The following PARL variants were observed in gnomAD, a reference collection of about 807,000 sequenced individuals.
The protein encoded by PARL is presenilin-associated rhomboid-like protein, mitochondrial.
In PARL, 44 loss-of-function variants were observed where a neutral mutation model predicts 51.6. The observed-to-expected ratio is 0.85, with a 90% CI of 0.67 to 1.10. The LOEUF is 1.10. Ranked by LOEUF, PARL falls within the 50% of genes least tolerant of loss-of-function variation. The pLI, the probability that PARL is intolerant of heterozygous loss-of-function variation, is 0.00. For missense variants in PARL, 441 were observed against 469.5 expected (o/e 0.94, Z 0.56); for synonymous variants, 172 against 164.0 (o/e 1.05, Z -0.37).
chr3:183,864,936 G>T (rs1432328186), intron 3 of PARL, among the ~76,000 whole-genome samples: 13 of 130,954 alleles, frequency 9.9e-5, no homozygotes, highest in African/African-American at 3.9e-4. Context: ...ATTTCATCTC[G>T]AGCACAGTTT....
chr3:183,881,946 T>C (rs1403807824), intron 1 of PARL, among the ~76,000 whole-genome samples: 1 of 151,922 alleles, frequency 6.6e-6, no homozygotes, highest in Non-Finnish European at 1.5e-5. Context: ...CTCAAGCCTG[T>C]AATCCCAACA....
At chr3:183,860,932 C>T (rs1402553262) in intron 4 of PARL, among the ~76,000 whole-genome samples, 1 of 151,624 alleles carries the variant, frequency 6.6e-6, no homozygotes, top group Non-Finnish European at 1.5e-5. Flanking sequence ...TCTGCTTCAG[C>T]CTCCCTAGTA....
At chr3:183,871,551 G>A (rs576798956) in intron 1 of PARL, among the ~76,000 whole-genome samples, 5 of 146,140 alleles carry the variant, frequency 3.4e-5, no homozygotes, top group Non-Finnish European at 6.0e-5. Context: ...GGGGAGGGGT[G>A]GGGAAGAACT....
At chr3:183,843,282 T>C in intron 5 of PARL, 2 of 985,406 alleles carry the variant, frequency 2.0e-6, no homozygotes, top group Non-Finnish European at 2.4e-6. Flanking sequence ...TGAAAGCAAC[T>C]TGTCCTTATG....
chr3:183,855,038 A>G (rs1212623456), intron 4 of PARL, among the ~76,000 whole-genome samples: 3 of 152,220 alleles, frequency 2.0e-5, no homozygotes, highest in Non-Finnish European at 2.9e-5. Flanking sequence ...AAGTGAAAGA[A>G]ACAGACACAA....
intron 4 of PARL, among the ~76,000 whole-genome samples, chr3:183,850,302 G>A (rs1453973639): frequency 6.6e-6 from 1 of 152,126 alleles, no homozygotes; most frequent in Non-Finnish European, 1.5e-5. Flanking sequence ...GGTGGCTCTC[G>A]ACAATTCTTG....
At chr3:183,826,819 G>A (rs35586421), downstream of PARL, 169,279 of 980,786 alleles carry the variant, frequency 0.17, 15,015 homozygotes, top group East Asian at 0.45. Flanking sequence ...CTGGCAGATG[G>A]CGCTTGGGAC....
rs770775624 is a variant in PARL at position 183,884,779 on chromosome 3, C to T, written c.68G>A (p.Gly23Asp). Residue 23 changes from glycine (G) to aspartate (D), a missense_variant, in exon 1 of 10, where the codon GGC (glycine) becomes GAC (aspartate). Gly to Asp is a moderately conservative substitution (Grantham distance 94). Transcript: ENST00000317096. ...CGQAWGASVG[G>D]RSCEELTAVL... The stretch of plus-strand genomic sequence containing the variant: ...CGCAGTGAGCTCCTCGCAGCTGCGG[C>T]CGCCCACCGACGCACCCCACGCCTG... 1 of 1,586,918 alleles carries T rather than the reference C, an allele frequency of 6.3e-7. No individual in the cohort carries two copies. Among genetic ancestry groups the T allele is most frequent in the Non-Finnish European group, 8.5e-7 (1 of 1,172,764 alleles).
intron 1 of PARL, chr3:183,879,759 C>G: frequency 1.1e-6 from 1 of 927,048 alleles, no homozygotes; most frequent in Non-Finnish European, 1.3e-6. Context: ...CTCTGTCACC[C>G]AGGCTGGAGT....
intron 4 of PARL, among the ~76,000 whole-genome samples, chr3:183,852,499 G>C (rs1004297464): frequency 1.3e-5 from 2 of 152,084 alleles, no homozygotes; most frequent in African/African-American, 4.8e-5. Flanking sequence ...GAGGGGAGGG[G>C]GTAATAGGGA....
intron 2 of PARL, 79 bp from the exon 3 acceptor site, chr3:183,866,844 A>G: frequency 3.8e-6 from 4 of 1,057,546 alleles, no homozygotes; most frequent in Middle Eastern, 2.1e-4. Flanking sequence ...AGAATTCTTC[A>G]CTGTCATTGC....
chr3:183,882,026 C>A (rs1161573232), intron 1 of PARL, among the ~76,000 whole-genome samples: 1 of 151,036 alleles, frequency 6.6e-6, no homozygotes, highest in Non-Finnish European at 1.5e-5. Context: ...CACAGCAAAA[C>A]CCCGTCTCTA....
chr3:183,846,491 C>CAAA, intron 4 of PARL: 11 of 771,548 alleles, frequency 1.4e-5, no homozygotes, highest in East Asian at 1.6e-4. Flanking sequence ...GAAACTGTCT[C>CAAA]AAAAAAAAAA....
chr3:183,853,029 T>C (rs889534559), intron 4 of PARL, among the ~76,000 whole-genome samples: 1 of 152,112 alleles, frequency 6.6e-6, no homozygotes, highest in African/African-American at 2.4e-5. Flanking sequence ...ATAAAACTCC[T>C]AGAAGAAAAC....
At chr3:183,846,423 G>A in intron 4 of PARL, 2 of 552,010 alleles carry the variant, frequency 3.6e-6, no homozygotes, top group Non-Finnish European at 4.6e-6. Flanking sequence ...AACCCAGGAG[G>A]CGGAGGTTGA....
At chr3:183,862,429 A>G (rs541603245) in intron 4 of PARL, among the ~76,000 whole-genome samples, 1 of 150,490 alleles carries the variant, frequency 6.6e-6, no homozygotes, top group Non-Finnish European at 1.5e-5. Context: ...CAGCATCCTG[A>G]ATATAGAAGG....
chr3:183,851,012 T>C (rs1730484109), intron 4 of PARL, among the ~76,000 whole-genome samples: 1 of 152,234 alleles, frequency 6.6e-6, no homozygotes, highest in African/African-American at 2.4e-5. Context: ...TACGGTCACC[T>C]GATTTTTGAC....
chr3:183,853,980 T>TGTA (rs1311623545), intron 4 of PARL, among the ~76,000 whole-genome samples: 1 of 152,184 alleles, frequency 6.6e-6, no homozygotes, highest in African/African-American at 2.4e-5. Context: ...GGCTCATGCC[T>TGTA]GTAATCCCAG....
chr3:183,882,452 T>G (rs1202202812), intron 1 of PARL, among the ~76,000 whole-genome samples: 3 of 150,798 alleles, frequency 2.0e-5, no homozygotes. Flanking sequence ...GAGACTATCA[T>G]CTCAATATAA....
Sources: allele counts gnomAD v4.1 joint callset (sites outside exome capture counted in the v4.1 genomes callset), GRCh38; gene constraint gnomAD v4.1.1; transcripts MANE v1.5; gene names NCBI Gene and HGNC (gene_info 2026-07-23, HGNC 2026-07-21).